TMTC2: variants seen among roughly 807,000 people sequenced by gnomAD.
TMTC2 encodes transmembrane O-mannosyltransferase targeting cadherins 2.
In TMTC2, 43 loss-of-function variants were observed where a neutral mutation model predicts 82.4. The observed-to-expected ratio is 0.52, with a 90% CI of 0.41 to 0.67. The LOEUF is 0.67. Ranked by LOEUF, TMTC2 falls within the 30% of genes least tolerant of loss-of-function variation. TMTC2 has a pLI of 0.00. For synonymous variants in TMTC2, 408 were observed against 381.9 expected, an observed-to-expected ratio of 1.07 and a Z score of -0.80; for missense variants, 919 against 1,012.4, an observed-to-expected ratio of 0.91 and a Z score of 1.25.
At chr12:83,070,417 A>T (rs560433552) in intron 11 of TMTC2, among the ~76,000 whole-genome samples, 2 of 151,676 alleles carry the variant, frequency 1.3e-5, no homozygotes, top group African/African-American at 4.8e-5. Flanking sequence ...GGTTAGATGT[A>T]TTCCTAAGTA....
At chr12:83,026,774 T>A (rs11115548) in intron 8 of TMTC2, among the ~76,000 whole-genome samples, 88,764 of 149,982 alleles carry the variant, frequency 0.59, 26,863 homozygotes, top group South Asian at 0.74. Context: ...ATTTGTGTAT[T>A]TTGTGGTTAG....
At chr12:83,055,764 A>G (rs1435652497) in intron 10 of TMTC2, among the ~76,000 whole-genome samples, 1 of 151,076 alleles carries the variant, frequency 6.6e-6, no homozygotes, top group African/African-American at 2.4e-5. Flanking sequence ...CTTACAGGGT[A>G]AGGGATAAAA....
At chr12:82,933,997 A>G (rs1876180874) in intron 4 of TMTC2, among the ~76,000 whole-genome samples, 1 of 152,160 alleles carries the variant, frequency 6.6e-6, no homozygotes, top group Non-Finnish European at 1.5e-5. Context: ...ATGATGGGAT[A>G]ATTTTAATTT....
intron 1 of TMTC2, among the ~76,000 whole-genome samples, chr12:82,721,529 G>T (rs1874205314): frequency 6.6e-6 from 1 of 152,056 alleles, no homozygotes; most frequent in Non-Finnish European, 1.5e-5. Flanking sequence ...TAGGAACTGT[G>T]TCTCCCATTA....
intron 8 of TMTC2, among the ~76,000 whole-genome samples, chr12:82,997,040 G>A (rs1477267310): frequency 6.6e-6 from 1 of 151,502 alleles, no homozygotes; most frequent in Non-Finnish European, 1.5e-5. Flanking sequence ...GAGGGTGTCT[G>A]TCTTCCCCTT....
chr12:82,725,713 G>C (rs1874415763), intron 1 of TMTC2, among the ~76,000 whole-genome samples: 1 of 152,160 alleles, frequency 6.6e-6, no homozygotes, highest in African/African-American at 2.4e-5. Flanking sequence ...AAATACATTG[G>C]TTTGGTCCAG....
chr12:82,907,565 A>G lies in TMTC2; in HGVS notation c.1483+10919A>G, dbSNP rs112247271. Among the ~76,000 whole-genome samples the G allele has an allele frequency of 8.8e-3, 1,343 of 152,210 alleles. 17 individuals carry two copies. The highest frequency in any genetic ancestry group is 0.03 in the African/African-American group (1,247 of 41,536). On this transcript the variant is annotated intron_variant, in intron 3 of 11. Transcript: ENST00000321196. ...TACAGTTTTGTGGGGCAGGAAAAAA[A>G]ATCCAGACCACAACAGACTCAGTGC...
At chr12:82,984,704 T>C (rs1459378585) in intron 7 of TMTC2, among the ~76,000 whole-genome samples, 1 of 152,202 alleles carries the variant, frequency 6.6e-6, no homozygotes, top group African/African-American at 2.4e-5. Context: ...TTAGTAAAAC[T>C]ACAATATTTA....
chr12:82,717,317 T>G (rs1192764602), intron 1 of TMTC2, among the ~76,000 whole-genome samples: 2 of 151,720 alleles, frequency 1.3e-5, no homozygotes, highest in African/African-American at 2.4e-5. Flanking sequence ...CTCCACCTCC[T>G]GGGTTCAAGC....
At chr12:83,110,563 C>G (rs1377579439) in intron 11 of TMTC2, among the ~76,000 whole-genome samples, 1 of 152,176 alleles carries the variant, frequency 6.6e-6, no homozygotes, top group Non-Finnish European at 1.5e-5. Context: ...AAGTACAACA[C>G]TCAGCATCGT....
At chr12:83,045,723 A>ACACG in intron 9 of TMTC2, among the ~76,000 whole-genome samples, 1 of 121,328 alleles carries the variant, frequency 8.2e-6, no homozygotes, top group South Asian at 2.9e-4. Context: ...ACACACACAC[A>ACACG]CACGCACACA....
chr12:83,132,772 C>A lies in TMTC2; in HGVS notation c.*383C>A. 1 of 192,882 alleles carries A rather than the reference C, an allele frequency of 5.2e-6. No homozygotes were observed. Among genetic ancestry groups the A allele is most frequent in the Non-Finnish European group, 1.0e-5 (1 of 96,034 alleles). The allele number at this position is 192,882 out of a possible 1,614,324, so 11.9% of individuals were successfully genotyped here. A position where few individuals can be genotyped will look rare whatever the true frequency, so the allele number is the denominator to read the frequency against. On this transcript the variant is annotated 3_prime_UTR_variant, in exon 12 of 12. Transcript: ENST00000321196. ...GTGAGAGGAAGTCAGAGTGTCCATT[C>A]AGGCATGGCAAACAATTAGGGTTAA...
chr12:82,836,806 A>G (rs889195623), intron 1 of TMTC2, among the ~76,000 whole-genome samples: 1 of 152,084 alleles, frequency 6.6e-6, no homozygotes, highest in Non-Finnish European at 1.5e-5. Context: ...TCTTTTAACA[A>G]TAACTACAAC....
intron 11 of TMTC2, among the ~76,000 whole-genome samples, chr12:83,128,309 C>G (rs1305008294): frequency 1.3e-5 from 2 of 151,970 alleles, no homozygotes; most frequent in Non-Finnish European, 1.5e-5. Flanking sequence ...GACTTTGAGT[C>G]TGTTTAGAAA....
At chr12:82,832,622 C>A (rs552080772) in intron 1 of TMTC2, among the ~76,000 whole-genome samples, 1 of 152,220 alleles carries the variant, frequency 6.6e-6, no homozygotes, top group African/African-American at 2.4e-5. Context: ...TTTTATTAAA[C>A]TCATTAATTT....
intron 3 of TMTC2, among the ~76,000 whole-genome samples, chr12:82,897,986 T>C (rs1044133184): frequency 6.6e-6 from 1 of 152,088 alleles, no homozygotes; most frequent in Non-Finnish European, 1.5e-5. Flanking sequence ...TATAAAGACC[T>C]AGATACTCCA....
chr12:83,097,309 C>T (rs1052219971), intron 11 of TMTC2, among the ~76,000 whole-genome samples: 2 of 152,158 alleles, frequency 1.3e-5, no homozygotes, highest in Non-Finnish European at 2.9e-5. Context: ...TGCACACACA[C>T]AAAAGCACAC....
At chr12:83,063,254 G>C (rs748090260) in intron 11 of TMTC2, among the ~76,000 whole-genome samples, 3 of 150,920 alleles carry the variant, frequency 2.0e-5, no homozygotes, top group Non-Finnish European at 4.4e-5. Context: ...GGGGAGAAGG[G>C]AGGGAGAAAG....
At chr12:82,875,385 T>TATATATATATATATATATA (rs140437146) in intron 2 of TMTC2, among the ~76,000 whole-genome samples, 5 of 151,934 alleles carry the variant, frequency 3.3e-5, no homozygotes, top group African/African-American at 1.2e-4. Flanking sequence ...TATATATATA[T>TATATATATATATATATATA]ATGTTTTACA....
Sources: allele counts gnomAD v4.1 joint callset (sites outside exome capture counted in the v4.1 genomes callset), GRCh38; gene constraint gnomAD v4.1.1; transcripts MANE v1.5; gene names NCBI Gene and HGNC (gene_info 2026-07-23, HGNC 2026-07-21).